BAG4: variants seen among roughly 807,000 people sequenced by gnomAD.
BAG4 encodes BAG family molecular chaperone regulator 4.
A neutral mutation model predicts 52.1 loss-of-function variants in BAG4; 28 were observed. The observed-to-expected ratio is 0.54, with a 90% CI of 0.40 to 0.74. The LOEUF is 0.74. BAG4 is among the 30% of genes least tolerant of loss of function. BAG4 has a pLI of 0.00. For missense variants in BAG4, 525 were observed against 572.0 expected, an observed-to-expected ratio of 0.92 and a Z score of 0.84; for synonymous variants, 208 against 217.0, an observed-to-expected ratio of 0.96 and a Z score of 0.37.
At chr8:38,180,985 G>A (rs1262257092) in intron 1 of BAG4, among the ~76,000 whole-genome samples, 2 of 147,968 alleles carry the variant, frequency 1.4e-5, no homozygotes, top group African/African-American at 5.0e-5. Flanking sequence ...CTGTTACCCA[G>A]GCTGGAGTGC....
chr8:38,189,707 A>T (rs1803435561), intron 1 of BAG4, among the ~76,000 whole-genome samples: 1 of 152,212 alleles, frequency 6.6e-6, no homozygotes, highest in Non-Finnish European at 1.5e-5. Context: ...ATGGGAACAC[A>T]AGAGGGTTGC....
intron 2 of BAG4, among the ~76,000 whole-genome samples, chr8:38,193,071 T>C (rs1044880869): frequency 6.6e-6 from 1 of 152,208 alleles, no homozygotes; most frequent in African/African-American, 2.4e-5. Context: ...TACAGACATT[T>C]AATTTAAAAT....
chr8:38,178,456 G>A (rs1254708931), intron 1 of BAG4, among the ~76,000 whole-genome samples: 1 of 152,326 alleles, frequency 6.6e-6, no homozygotes, highest in Middle Eastern at 3.4e-3. Flanking sequence ...GAGCCACTGC[G>A]CTCGGCCCCA....
chr8:38,180,522 C>CAGAAAAAAAAA (rs1803245537), intron 1 of BAG4, among the ~76,000 whole-genome samples: 1 of 26,492 alleles, frequency 3.8e-5, no homozygotes, highest in Non-Finnish European at 7.7e-5. Context: ...GACTCCGTCT[C>CAGAAAAAAAAA]AAAAAAAAAA....
chr8:38,193,262 T>TA (rs1803505570), intron 2 of BAG4, among the ~76,000 whole-genome samples: 1 of 151,634 alleles, frequency 6.6e-6, no homozygotes, highest in African/African-American at 2.4e-5. Flanking sequence ...CTACTAAAAA[T>TA]ACAAAAATTA....
rs759104949 is a variant in BAG4 at position 38,177,156 on chromosome 8, C to G, written c.270+17C>G. ...AGCCACCAGGTAAGCTTTGCACCCT[C>G]TGTCCTTGCGGGGAGGTGAGGGCCC... On this transcript the variant is annotated intron_variant, in intron 1 of 4. Transcript: ENST00000287322. The G allele has an allele frequency of 4.3e-6, 7 of 1,609,858 alleles. No homozygotes were observed. The Admixed American group carries it at 1.2e-4, about 27-fold the overall frequency.
chr8:38,178,033 C>T (rs1803195433), intron 1 of BAG4, among the ~76,000 whole-genome samples: 1 of 152,086 alleles, frequency 6.6e-6, no homozygotes, highest in Admixed American at 6.5e-5. Context: ...AGTCTATGAC[C>T]CAGCAAGCCC....
At chr8:38,200,194 A>G (rs1803637378) in intron 2 of BAG4, among the ~76,000 whole-genome samples, 1 of 151,726 alleles carries the variant, frequency 6.6e-6, no homozygotes. Context: ...GTTAGTAGAG[A>G]CAGGGTTTTA....
At position 38,210,241 on chromosome 8, in the gene BAG4, AAGT is replaced by A; in HGVS notation, c.1124_1126del (p.Ser375del). On this transcript the variant is annotated inframe_deletion, in exon 5 of 5. Coordinates refer to ENST00000287322, the MANE Select transcript of BAG4 (RefSeq NM_004874.4). ...CTGAAGAATGTGTACCTTCAGATGAAAGTACTCCTCCGAGTATTAAAAAAATCA... is the reference window on the plus strand; with the variant it reads ...CTGAAGAATGTGTACCTTCAGATGAAACTCCTCCGAGTATTAAAAAAATCA... 1 of 1,614,176 alleles carries A rather than the reference AAGT, an allele frequency of 6.2e-7. No individual in the cohort carries two copies. The highest frequency in any genetic ancestry group is 8.5e-7 in the Non-Finnish European group (1 of 1,180,036).
chr8:38,201,883 T>TA (rs1803684617), intron 2 of BAG4: 1 of 51,276 alleles, frequency 2.0e-5, no homozygotes, highest in Non-Finnish European at 4.1e-5. Flanking sequence ...TATATATATT[T>TA]TTTTTTTTTT....
At chr8:38,185,563 AC>A (rs1803351234) in intron 1 of BAG4, among the ~76,000 whole-genome samples, 1 of 152,064 alleles carries the variant, frequency 6.6e-6, no homozygotes, top group African/African-American at 2.4e-5. Context: ...ATGAAGAAAC[AC>A]CTTTTTTTTT....
chr8:38,183,161 C>T (rs58841759), intron 1 of BAG4, among the ~76,000 whole-genome samples: 2,402 of 150,790 alleles, frequency 0.016, 63 homozygotes, highest in African/African-American at 0.056. Context: ...TCTCCCACTT[C>T]AGCCTCCTGA....
At chr8:38,177,823 G>C (rs1042553230) in intron 1 of BAG4, among the ~76,000 whole-genome samples, 1 of 151,982 alleles carries the variant, frequency 6.6e-6, no homozygotes, top group Admixed American at 6.6e-5. Context: ...TTTTCCTGCC[G>C]GACATATACT....
At chr8:38,191,174 A>G (rs533955872) in intron 1 of BAG4, among the ~76,000 whole-genome samples, 6 of 152,188 alleles carry the variant, frequency 3.9e-5, no homozygotes, top group Non-Finnish European at 7.3e-5. Context: ...TGTGTCTCCT[A>G]TCTCCCATTG....
intron 2 of BAG4, among the ~76,000 whole-genome samples, chr8:38,204,412 T>A (rs1046311620): frequency 1.3e-5 from 2 of 150,078 alleles, no homozygotes; most frequent in Non-Finnish European, 3.0e-5. Context: ...CCCAGTTACT[T>A]AGGATGCTAA....
chr8:38,187,420 A>G (rs1803381279), intron 1 of BAG4, among the ~76,000 whole-genome samples: 1 of 152,222 alleles, frequency 6.6e-6, no homozygotes, highest in African/African-American at 2.4e-5. Flanking sequence ...AAGGAGAGAA[A>G]AAAGACTGAT....
At chr8:38,189,764 G>A (rs1367110325) in intron 1 of BAG4, among the ~76,000 whole-genome samples, 2 of 152,198 alleles carry the variant, frequency 1.3e-5, no homozygotes, top group African/African-American at 4.8e-5. Flanking sequence ...CTGGCACACT[G>A]TCACTTTTAT....
chr8:38,181,143 G>C (rs939918624), intron 1 of BAG4, among the ~76,000 whole-genome samples: 1 of 148,128 alleles, frequency 6.8e-6, no homozygotes, highest in Admixed American at 6.8e-5. Flanking sequence ...GAGTTTCACC[G>C]TGTCAGCCAG....
chr8:38,177,841 T>C (rs1049826954), intron 1 of BAG4, among the ~76,000 whole-genome samples: 1 of 152,212 alleles, frequency 6.6e-6, no homozygotes, highest in Admixed American at 6.5e-5. Context: ...ACTTCTGCTT[T>C]GTTAATACAG....
Sources: allele counts gnomAD v4.1 joint callset (sites outside exome capture counted in the v4.1 genomes callset), GRCh38; gene constraint gnomAD v4.1.1; transcripts MANE v1.5; gene names NCBI Gene and HGNC (gene_info 2026-07-23, HGNC 2026-07-21).